The following ZHX3 variants were observed in gnomAD, a reference collection of about 807,000 sequenced individuals.
The protein encoded by ZHX3 is zinc fingers and homeoboxes protein 3.
In ZHX3, 20 loss-of-function variants were observed where a neutral mutation model predicts 64.5. That is an observed-to-expected ratio of 0.31 (90% confidence interval 0.22 to 0.45). The LOEUF is 0.45. ZHX3 is among the 20% of genes least tolerant of loss of function. The pLI, the probability that ZHX3 is intolerant of heterozygous loss-of-function variation, is 1.00. For missense variants in ZHX3, 1,041 were observed against 1,195.8 expected, an observed-to-expected ratio of 0.87 and a Z score of 1.91; for synonymous variants, 423 against 461.6, an observed-to-expected ratio of 0.92 and a Z score of 1.07.
At chr20:41,244,929 T>G (rs1259707421) in intron 2 of ZHX3, among the ~76,000 whole-genome samples, 1 of 152,036 alleles carries the variant, frequency 6.6e-6, no homozygotes, top group Non-Finnish European at 1.5e-5. Context: ...GATACTTACT[T>G]CAGGGAGGGA....
Position 41,181,255 on chromosome 20 carries a change from T to C in ZHX3, c.*3936A>G, listed in dbSNP as rs1271046275. 1 of 152,120 alleles carries C rather than the reference T, an allele frequency of 6.6e-6. No individual in the cohort carries two copies. The highest frequency in any genetic ancestry group is 1.5e-5 in the Non-Finnish European group (1 of 68,034). The allele number at this position is 152,120 out of a possible 1,614,324, so 9.4% of individuals were successfully genotyped here. A position where few individuals can be genotyped will look rare whatever the true frequency, so the allele number is the denominator to read the frequency against. ...TGTGGGCCTTCATGTGTCTAGAGGA[T>C]TTTTCTTCTCCAGCATATAACTACC... On this transcript the variant is annotated 3_prime_UTR_variant, in exon 4 of 4. Transcript: ENST00000683867.
chr20:41,316,384 T>A lies in ZHX3; in HGVS notation c.-245+1125A>T, dbSNP rs190508174. Among the ~76,000 whole-genome samples, 6 of 152,324 alleles carry A rather than the reference T, an allele frequency of 3.9e-5. No individual in the cohort carries two copies. The East Asian group carries it at 1.2e-3, about 29-fold the overall frequency. ...AAGTGCGCTTTTGGCTCCTTCTCCGTGGTTCAGAATTATCCGGCAAAATAC... is the reference window on the plus strand; with the variant it reads ...AAGTGCGCTTTTGGCTCCTTCTCCGAGGTTCAGAATTATCCGGCAAAATAC... On this transcript the variant is annotated intron_variant, in intron 1 of 3. Transcript: ENST00000683867.
intron 1 of ZHX3, among the ~76,000 whole-genome samples, chr20:41,311,255 T>C (rs1600680915): frequency 1.3e-5 from 2 of 152,344 alleles, no homozygotes; most frequent in Admixed American, 6.5e-5. Flanking sequence ...CTCCTTATAA[T>C]AGTAATAGCT....
chr20:41,197,997 CTCTTT>C (rs2037890595), intron 3 of ZHX3, among the ~76,000 whole-genome samples: 2 of 138,264 alleles, frequency 1.4e-5, no homozygotes, highest in African/African-American at 5.7e-5. Flanking sequence ...TTAACTAGTG[CTCTTT>C]TTTTTTTTTT....
intron 3 of ZHX3, among the ~76,000 whole-genome samples, chr20:41,191,780 A>G (rs2037040832): frequency 6.6e-6 from 1 of 152,210 alleles, no homozygotes; most frequent in Non-Finnish European, 1.5e-5. Flanking sequence ...CATCAGTGGT[A>G]TCTGTGATTT....
chr20:41,227,104 C>T (rs2146362337), intron 2 of ZHX3, among the ~76,000 whole-genome samples: 1 of 152,324 alleles, frequency 6.6e-6, no homozygotes, highest in Middle Eastern at 3.4e-3. Flanking sequence ...CAATCTTATG[C>T]TGCCCAACTA....
At chr20:41,308,214 T>C (rs1266483423) in intron 1 of ZHX3, among the ~76,000 whole-genome samples, 1 of 152,224 alleles carries the variant, frequency 6.6e-6, no homozygotes, top group African/African-American at 2.4e-5. Flanking sequence ...GGAATCACTT[T>C]TTACAAATCT....
intron 3 of ZHX3, among the ~76,000 whole-genome samples, chr20:41,191,524 T>C (rs1319734670): frequency 1.3e-5 from 2 of 152,262 alleles, no homozygotes; most frequent in African/African-American, 2.4e-5. Flanking sequence ...TTGGAATCTA[T>C]TGCAGGAAAT....
chr20:41,194,471 T>C (rs188848285), intron 3 of ZHX3, among the ~76,000 whole-genome samples: 5 of 152,312 alleles, frequency 3.3e-5, no homozygotes, highest in Non-Finnish European at 7.4e-5. Flanking sequence ...GAATTTGGCT[T>C]GCTATTTTGT....
chr20:41,314,255 A>G (rs1366435686), intron 1 of ZHX3, among the ~76,000 whole-genome samples: 1 of 152,208 alleles, frequency 6.6e-6, no homozygotes, highest in Non-Finnish European at 1.5e-5. Flanking sequence ...GTACTTTCAA[A>G]CAGTTCAAGA....
At chr20:41,257,430 C>A (rs1183374188) in intron 2 of ZHX3, among the ~76,000 whole-genome samples, 6 of 152,234 alleles carry the variant, frequency 3.9e-5, no homozygotes, top group African/African-American at 1.4e-4. Flanking sequence ...AGCCTATAGG[C>A]AGCACTGTGG....
chr20:41,262,225 A>G (rs1328280024), intron 2 of ZHX3, among the ~76,000 whole-genome samples: 2 of 152,216 alleles, frequency 1.3e-5, no homozygotes, highest in Admixed American at 1.3e-4. Flanking sequence ...TGTGCTTCAC[A>G]TGACAGCAAG....
intron 1 of ZHX3, among the ~76,000 whole-genome samples, chr20:41,271,284 C>T (rs1238510770): frequency 2.0e-5 from 3 of 152,224 alleles, no homozygotes; most frequent in Non-Finnish European, 4.4e-5. Context: ...TCCCAAAGTG[C>T]TGGGATTACA....
chr20:41,225,554 C>G (rs1380142009), intron 2 of ZHX3, among the ~76,000 whole-genome samples: 1 of 152,156 alleles, frequency 6.6e-6, no homozygotes, highest in Non-Finnish European at 1.5e-5. Context: ...GTGGCGTGAT[C>G]TTGACTCACT....
chr20:41,310,552 T>C (rs2045101090), intron 1 of ZHX3, among the ~76,000 whole-genome samples: 1 of 152,116 alleles, frequency 6.6e-6, no homozygotes, highest in African/African-American at 2.4e-5. Context: ...TCCCTGGTGG[T>C]AAGCATTACT....
In ZHX3 at chr20:41,201,279, C is replaced by A; in HGVS notation, c.2860+778G>T. On this transcript the variant is annotated intron_variant, in intron 3 of 3. Coordinates refer to ENST00000683867, the MANE Select transcript of ZHX3 (RefSeq NM_001384317.1). The surrounding 1 kb of genome is among the most constrained non-coding windows in gnomAD (Gnocchi z 5.0). ...CTTCTACAATACTCCGCCCTCCTGG[C>A]TCTCACCTGAGCTTCTGGCTGCCCT... 2 of 1,299,246 alleles carry A rather than the reference C, an allele frequency of 1.5e-6. No homozygotes were observed. Among genetic ancestry groups the A allele is most frequent in the Non-Finnish European group, 2.0e-6 (2 of 987,408 alleles). The allele number at this position is 1,299,246 out of a possible 1,614,324, so 80.5% of individuals were successfully genotyped here. A position where few individuals can be genotyped will look rare whatever the true frequency, so the allele number is the denominator to read the frequency against.
rs540750145 is a variant in ZHX3 at position 41,306,002 on chromosome 20, T to A, written c.-245+11507A>T. 1.6e-4 allele frequency among the ~76,000 whole-genome samples: 25 copies of A among 152,284 alleles called. No homozygotes were observed. In the East Asian group the frequency reaches 3.3e-3, roughly 20 times the overall value. On this transcript the variant is annotated intron_variant, in intron 1 of 3. Transcript: ENST00000683867. Reference sequence around the variant, plus strand: ...ATATATCCATTGTTGTAATAAAAAATTTCTGGTTATATAGTAAATATCCAG... The same window carrying A: ...ATATATCCATTGTTGTAATAAAAAAATTCTGGTTATATAGTAAATATCCAG...
chr20:41,291,138 C>A (rs2044216569), intron 1 of ZHX3, among the ~76,000 whole-genome samples: 1 of 152,130 alleles, frequency 6.6e-6, no homozygotes, highest in African/African-American at 2.4e-5. Flanking sequence ...AGATTTGAAT[C>A]CAGACATTTT....
At chr20:41,271,276 C>A (rs944631759) in intron 1 of ZHX3, among the ~76,000 whole-genome samples, 6 of 152,184 alleles carry the variant, frequency 3.9e-5, no homozygotes, top group Admixed American at 6.5e-5. Flanking sequence ...CCTCAGCCTC[C>A]CAAAGTGCTG....
Sources: allele counts gnomAD v4.1 joint callset (sites outside exome capture counted in the v4.1 genomes callset), GRCh38; gene constraint gnomAD v4.1.1; non-coding constraint Gnocchi (gnomAD v3.1); transcripts MANE v1.5; gene names NCBI Gene and HGNC (gene_info 2026-07-23, HGNC 2026-07-21).